The following CRY2 variants were observed in gnomAD, a reference collection of about 807,000 sequenced individuals.
CRY2 encodes cryptochrome-2.
A neutral mutation model predicts 69.5 loss-of-function variants in CRY2; 31 were observed. The ratio of observed to expected loss-of-function variants is 0.45; its 90% CI spans 0.34 to 0.60. CRY2 has a LOEUF of 0.60. Ranked by LOEUF, CRY2 falls within the 20% of genes least tolerant of loss-of-function variation. CRY2 has a pLI of 0.02. For missense variants in CRY2, 606 were observed against 797.8 expected, an observed-to-expected ratio of 0.76 and a Z score of 2.90; for synonymous variants, 303 against 312.2, an observed-to-expected ratio of 0.97 and a Z score of 0.31.
intron 1 of CRY2, among the ~76,000 whole-genome samples, chr11:45,849,375 A>G (rs1026786137): frequency 4.3e-4 from 65 of 152,204 alleles, no homozygotes; most frequent in African/African-American, 1.5e-3. Context: ...ATAAGTGCCT[A>G]ATATCTGCCA....
chr11:45,879,344 C>G (rs1393193198), intron 11 of CRY2, among the ~76,000 whole-genome samples: 2 of 152,166 alleles, frequency 1.3e-5, no homozygotes, highest in African/African-American at 4.8e-5. Context: ...AAATCTGCTT[C>G]AGATTTACCA....
At chr11:45,853,395 G>A (rs752436752) in intron 1 of CRY2, among the ~76,000 whole-genome samples, 26 of 152,188 alleles carry the variant, frequency 1.7e-4, no homozygotes, top group Middle Eastern at 3.2e-3. Flanking sequence ...TTTTGTGAAA[G>A]AAGAAAAGGG....
chr11:45,856,754 C>A (rs1213844644), intron 2 of CRY2, among the ~76,000 whole-genome samples: 1 of 151,668 alleles, frequency 6.6e-6, no homozygotes, highest in African/African-American at 2.4e-5. Flanking sequence ...CGAGATTGTG[C>A]CACTGCACTC....
In CRY2 at chr11:45,869,565, CT is replaced by C. The variant is rs2086358421; in HGVS notation, c.944del (p.Phe315SerfsTer49). 6.2e-7 allele frequency: 1 copy of C among 1,614,098 alleles called. No individual in the cohort carries two copies. Among genetic ancestry groups the C allele is most frequent in the Non-Finnish European group, 8.5e-7 (1 of 1,180,044 alleles). On this transcript the variant is annotated frameshift_variant, in exon 7 of 12. Coordinates refer to ENST00000616080, the MANE Select transcript of CRY2 (RefSeq NM_021117.5). LOFTEE classifies it high-confidence loss of function. ...TTGGGCAACTCCTATGGCGAGAGTT[CT>C]TCTACACGGCAGCTACCAACAACCC... Reference protein sequence around the residue: ...LFGQLLWREFFYTAATNNPRF... With the variant: ...LFGQLLWREFXYTAATNNPRF...
At chr11:45,872,740 G>T (rs570666406) in intron 11 of CRY2, among the ~76,000 whole-genome samples, 1 of 152,184 alleles carries the variant, frequency 6.6e-6, no homozygotes, top group South Asian at 2.1e-4. Flanking sequence ...CATGGGGGCT[G>T]AGGGGTGGCG....
chr11:45,880,917 C>T lies in CRY2; in HGVS notation c.*6C>T, dbSNP rs2086466767. ...TGCACTTGTTTTTCTCTTCCAGCTG[C>T]AGAGCCCTTGCTCCGTGAGCAAAGC... On this transcript the variant is annotated 3_prime_UTR_variant, in exon 12 of 12. Transcript: ENST00000616080. 1 of 152,318 alleles carries T rather than the reference C, an allele frequency of 6.6e-6. No individual in the cohort carries two copies. Among genetic ancestry groups the T allele is most frequent in the African/African-American group, 2.4e-5 (1 of 41,468 alleles). 9.4% of individuals were successfully genotyped at this position (152,318 alleles called of 1,614,324 possible). A position where few individuals can be genotyped will look rare whatever the true frequency, so the allele number is the denominator to read the frequency against.
intron 11 of CRY2, among the ~76,000 whole-genome samples, chr11:45,880,644 C>T (rs1024069905): frequency 2.0e-5 from 3 of 152,208 alleles, no homozygotes; most frequent in African/African-American, 4.8e-5. Context: ...GCCTTGTCCT[C>T]CTCCTCCTCT....
chr11:45,861,252 T>C, intron 4 of CRY2: 1 of 533,116 alleles, frequency 1.9e-6, no homozygotes. Context: ...ACATGTAATC[T>C]TCTGTTTCTG....
At chr11:45,853,284 A>G (rs1429666567) in intron 1 of CRY2, among the ~76,000 whole-genome samples, 2 of 152,204 alleles carry the variant, frequency 1.3e-5, no homozygotes, top group East Asian at 3.8e-4. Context: ...TGCTTATTAA[A>G]TGTTAATCAT....
At position 45,850,762 on chromosome 11, in the gene CRY2, A is replaced by G. The variant is rs1365727194; in HGVS notation, c.215+3057A>G. Among the ~76,000 whole-genome samples, 4 of 152,136 alleles carry G rather than the reference A, an allele frequency of 2.6e-5. No individual in the cohort carries two copies. The South Asian group carries it at 6.2e-4, about 24-fold the overall frequency. On this transcript the variant is annotated intron_variant, in intron 1 of 11. Coordinates refer to ENST00000616080, the MANE Select transcript of CRY2 (RefSeq NM_021117.5). ...TTGTCTCTGAGAAGCCTCCCTGGGA[A>G]GGGCAAGGGACCATCTGCAAGGAGG... is the stretch of plus-strand genomic sequence containing the variant.
In CRY2 at chr11:45,862,198, G is replaced by A. The variant is rs1401569953; in HGVS notation, c.741+50G>A. The A allele has an allele frequency of 2.6e-6, 4 of 1,548,890 alleles. No homozygotes were observed. In the South Asian group the frequency reaches 4.6e-5, roughly 18 times the overall value. On this transcript the variant is annotated intron_variant, in intron 5 of 11. Coordinates refer to ENST00000616080, the MANE Select transcript of CRY2 (RefSeq NM_021117.5). ...AGCTGCAGATACTGATATCCACACA[G>A]CAGGAGATACAGGTCATGTCCATGT... is the stretch of plus-strand genomic sequence containing the variant.
intron 11 of CRY2, among the ~76,000 whole-genome samples, chr11:45,873,360 A>G (rs2086401490): frequency 6.6e-6 from 1 of 152,158 alleles, no homozygotes; most frequent in African/African-American, 2.4e-5. Flanking sequence ...TGATGCCTGC[A>G]CCCTTCACCT....
In CRY2 at chr11:45,847,476, G is replaced by A. The variant is rs2086158958; in HGVS notation, c.-15G>A. 1 of 1,600,182 alleles carries A rather than the reference G, an allele frequency of 6.2e-7. No homozygotes were observed. On this transcript the variant is annotated 5_prime_UTR_variant, in exon 1 of 12. Transcript: ENST00000616080. ...CCGGGGCGGAGCGGGGGTGGCTGGA[G>A]CAGTCTGGACAGTCATGGCGGCGAC...
chr11:45,871,984 C>T (rs2086386976), intron 10 of CRY2, 108 bp from the exon 11 acceptor site: 2 of 1,433,922 alleles, frequency 1.4e-6, no homozygotes, highest in Non-Finnish European at 1.9e-6. Context: ...TGCTGGCATT[C>T]CATTGATAAG....
rs374265988 is a variant in CRY2 at position 45,849,999 on chromosome 11, T to A, written c.215+2294T>A. Among the ~76,000 whole-genome samples, 425 of 100,252 alleles carry A rather than the reference T, an allele frequency of 4.2e-3. 2 individuals are homozygous for A. Among genetic ancestry groups the A allele is most frequent in the African/African-American group, 0.012 (398 of 32,582 alleles). The allele number at this position is 100,252 out of a possible 152,430, so 65.8% of individuals were successfully genotyped here. A position where few individuals can be genotyped will look rare whatever the true frequency, so the allele number is the denominator to read the frequency against. ...AGGTTTGGGGATTTTTTGTTTTGTT[T>A]TGTTTTTTGTTTTTTTTTTTTTTTG... is the stretch of plus-strand genomic sequence containing the variant. On this transcript the variant is annotated intron_variant, in intron 1 of 11. Coordinates refer to ENST00000616080, the MANE Select transcript of CRY2 (RefSeq NM_021117.5).
At position 45,870,087 on chromosome 11, in the gene CRY2, G is replaced by C; in HGVS notation, c.1229G>C (p.Ser410Thr). 6.2e-7 allele frequency: 1 copy of C among 1,611,454 alleles called. No homozygotes were observed. Among genetic ancestry groups the C allele is most frequent in the Non-Finnish European group, 8.5e-7 (1 of 1,178,456 alleles). ...FDELLLDADF[S>T]VNAGSWMWLS... The stretch of plus-strand genomic sequence containing the variant: ...GAGCTGCTCCTGGATGCAGATTTCA[G>C]CGTGAACGCAGGCAGCTGGATGTGG... The change falls in exon 8 of 12, where the codon AGC (serine) becomes ACC (threonine). Residue 410 changes from serine (S) to threonine (T), a missense_variant. Transcript: ENST00000616080.
At position 45,870,518 on chromosome 11, in the gene CRY2, G is replaced by T; in HGVS notation, c.1535G>T (p.Arg512Leu). 6.2e-7 allele frequency: 1 copy of T among 1,614,046 alleles called. No individual in the cohort carries two copies. The highest frequency in any genetic ancestry group is 8.5e-7 in the Non-Finnish European group (1 of 1,180,012). Residue 512 changes from arginine (R) to leucine (L), a missense_variant, in exon 9 of 12, where the codon CGC (arginine) becomes CTC (leucine). Around this residue, in one of 5 missense-constraint regions of CRY2, gnomAD observed 173 missense variants for 213.7 expected, o/e 0.81. Transcript: ENST00000616080. Reference protein sequence around the residue: ...RMKQIYQQLSRYRGLCLLASV... With the variant: ...RMKQIYQQLSLYRGLCLLASV... Reference sequence around the variant, plus strand: ...AAGCAGATTTACCAGCAGCTTTCGCGCTACCGGGGACTCTGTAAGGAGACA... The same window carrying T: ...AAGCAGATTTACCAGCAGCTTTCGCTCTACCGGGGACTCTGTAAGGAGACA...
At position 45,870,581 on chromosome 11, in the gene CRY2, G is replaced by A. The variant is rs746596346; in HGVS notation, c.1549+49G>A. On this transcript the variant is annotated intron_variant, in intron 9 of 11. Transcript: ENST00000616080. Reference sequence around the variant, plus strand: ...ACTGAAGGGAAGGACAGCACCTACAGGCTCAGGGGGCCAGATGGGGATGTC... The same window carrying A: ...ACTGAAGGGAAGGACAGCACCTACAAGCTCAGGGGGCCAGATGGGGATGTC... The A allele has an allele frequency of 3.1e-6, 5 of 1,596,064 alleles. No homozygotes were observed. The African/African-American group carries it at 6.7e-5, about 21-fold the overall frequency.
intron 1 of CRY2, among the ~76,000 whole-genome samples, chr11:45,849,229 T>C (rs1221031805): frequency 6.6e-6 from 1 of 152,224 alleles, no homozygotes. Flanking sequence ...ACCAGGTGTT[T>C]ATGGATTTTT....
Sources: allele counts gnomAD v4.1 joint callset (sites outside exome capture counted in the v4.1 genomes callset), GRCh38; gene constraint gnomAD v4.1.1; regional missense constraint gnomAD v4.1.1; transcripts MANE v1.5; gene names NCBI Gene and HGNC (gene_info 2026-07-23, HGNC 2026-07-21).